The following ZBTB7C variants were observed in gnomAD, a reference collection of about 807,000 sequenced individuals.
ZBTB7C encodes the protein zinc finger and BTB domain-containing protein 7C.
Under a neutral mutation model 25.7 loss-of-function variants are expected in ZBTB7C, and 8 were observed. The observed-to-expected ratio is 0.31, with a 90% CI of 0.18 to 0.56. The LOEUF (loss-of-function observed/expected upper bound fraction) is 0.56, where lower values mean the gene tolerates loss of function less well. ZBTB7C is among the 20% of genes least tolerant of loss of function. The pLI, the probability that ZBTB7C is intolerant of heterozygous loss-of-function variation, is 0.91. For synonymous variants in ZBTB7C, 394 were observed against 369.0 expected (o/e 1.07, Z -0.78); for missense variants, 824 against 855.2 (o/e 0.96, Z 0.46).
chr18:48,124,322 A>ACT (rs1332898310), intron 3 of ZBTB7C, among the ~76,000 whole-genome samples: 3 of 152,368 alleles, frequency 2.0e-5, no homozygotes, highest in African/African-American at 7.2e-5. Context: ...AGTAGCAGGT[A>ACT]CCTTTCCTGG....
At chr18:48,149,450 A>C (rs1385107293) in intron 3 of ZBTB7C, 1 of 152,262 alleles carries the variant, frequency 6.6e-6, no homozygotes, top group African/African-American at 2.4e-5. Context: ...TGCCACTGCC[A>C]GGAGACAGTG....
At chr18:48,362,623 T>C (rs1308248563) in intron 1 of ZBTB7C, among the ~76,000 whole-genome samples, 1 of 152,220 alleles carries the variant, frequency 6.6e-6, no homozygotes. Context: ...TATGGCATTT[T>C]ATTATAGCAG....
chr18:48,101,864 G>T (rs761724996), intron 3 of ZBTB7C, among the ~76,000 whole-genome samples: 1 of 152,134 alleles, frequency 6.6e-6, no homozygotes, highest in African/African-American at 2.4e-5. Context: ...ACCAGACCAG[G>T]GTGGCTGGTT....
At chr18:48,384,699 T>C (rs1474131969) in intron 1 of ZBTB7C, among the ~76,000 whole-genome samples, 1 of 152,206 alleles carries the variant, frequency 6.6e-6, no homozygotes, top group African/African-American at 2.4e-5. Flanking sequence ...GTTTGTTTTT[T>C]GAGATTGAGT....
At chr18:48,326,095 CTTTT>C (rs34725749) in intron 2 of ZBTB7C, among the ~76,000 whole-genome samples, 1 of 126,170 alleles carries the variant, frequency 7.9e-6, no homozygotes. Context: ...CTACCAACAT[CTTTT>C]TTTTTTTTTT....
intron 2 of ZBTB7C, among the ~76,000 whole-genome samples, chr18:48,217,878 T>C (rs1222621337): frequency 1.3e-5 from 2 of 152,046 alleles, no homozygotes; most frequent in Admixed American, 6.5e-5. Context: ...GTAGTCCTTC[T>C]AGAATAGAGA....
intron 2 of ZBTB7C, among the ~76,000 whole-genome samples, chr18:48,336,571 C>T (rs139873453): frequency 1.2e-4 from 19 of 152,304 alleles, no homozygotes; most frequent in African/African-American, 1.7e-4. Flanking sequence ...TCTGCATTTC[C>T]GGCAGTGAGC....
chr18:48,189,600 T>C (rs1027890077), intron 2 of ZBTB7C, among the ~76,000 whole-genome samples: 6 of 152,144 alleles, frequency 3.9e-5, no homozygotes, highest in Non-Finnish European at 8.8e-5. Flanking sequence ...ACCTTCCAAG[T>C]TAGCAGTTGC....
At chr18:48,403,680 A>C (rs953169177) in intron 1 of ZBTB7C, among the ~76,000 whole-genome samples, 1 of 152,210 alleles carries the variant, frequency 6.6e-6, no homozygotes, top group African/African-American at 2.4e-5. Context: ...AAACAAAAGG[A>C]GAATCAAGAT....
chr18:48,312,861 TG>T (rs1568369345), intron 2 of ZBTB7C, among the ~76,000 whole-genome samples: 1 of 152,204 alleles, frequency 6.6e-6, no homozygotes, highest in African/African-American at 2.4e-5. Context: ...TCCTGGGCTG[TG>T]GTGAACAGGA....
chr18:48,230,405 G>T (rs577290552), intron 2 of ZBTB7C, among the ~76,000 whole-genome samples: 2 of 152,072 alleles, frequency 1.3e-5, no homozygotes, highest in Non-Finnish European at 2.9e-5. Flanking sequence ...GCTCTCAGAC[G>T]GAATCCCTGT....
rs151294907 is a variant in ZBTB7C at position 48,146,313 on chromosome 18, T to C, written c.-17+39621A>G. Among the ~76,000 whole-genome samples, 8 of 152,340 alleles carry C rather than the reference T, an allele frequency of 5.3e-5. No individual in the cohort carries two copies. The East Asian group carries it at 1.5e-3, about 29-fold the overall frequency. ...CAAAATTTTTTGTAATTTGCAACAT[T>C]AGACCTATGCTAAATTAAGCAATAG... On this transcript the variant is annotated intron_variant, in intron 3 of 4. Coordinates refer to ENST00000590800, the MANE Select transcript of ZBTB7C (RefSeq NM_001318841.2).
chr18:48,102,835 G>A (rs972473951), intron 3 of ZBTB7C, among the ~76,000 whole-genome samples: 1 of 151,796 alleles, frequency 6.6e-6, no homozygotes, highest in Admixed American at 6.6e-5. Flanking sequence ...TCATACAGGT[G>A]TAGTCAACAA....
chr18:48,093,975 C>T (rs1205728573), intron 3 of ZBTB7C, among the ~76,000 whole-genome samples: 2 of 152,148 alleles, frequency 1.3e-5, no homozygotes, highest in African/African-American at 2.4e-5. Context: ...AGAAGAATGG[C>T]GTGAACCCGG....
intron 4 of ZBTB7C, among the ~76,000 whole-genome samples, chr18:48,039,490 A>G (rs2036121278): frequency 1.3e-5 from 2 of 152,210 alleles, no homozygotes. Context: ...TATGCTTAAT[A>G]AAGGTCAGTG....
At chr18:48,135,687 C>T (rs2040129508) in intron 3 of ZBTB7C, among the ~76,000 whole-genome samples, 2 of 152,156 alleles carry the variant, frequency 1.3e-5, no homozygotes, top group South Asian at 4.1e-4. Context: ...AGAAGGGGAA[C>T]GGAGGGAGTG....
At chr18:48,263,692 TA>T (rs76126998) in intron 2 of ZBTB7C, among the ~76,000 whole-genome samples, 25,300 of 94,062 alleles carry the variant, frequency 0.27, 2,126 homozygotes, top group South Asian at 0.32. Flanking sequence ...ATAAAGCTGC[TA>T]AAAAAAAAAA....
At chr18:48,225,966 C>T (rs758010077) in intron 2 of ZBTB7C, among the ~76,000 whole-genome samples, 8 of 152,176 alleles carry the variant, frequency 5.3e-5, no homozygotes, top group African/African-American at 1.2e-4. Flanking sequence ...TGGTCTCGAT[C>T]GCTTGACCTC....
chr18:48,201,127 C>T (rs958706432), intron 2 of ZBTB7C, among the ~76,000 whole-genome samples: 3 of 152,214 alleles, frequency 2.0e-5, no homozygotes, highest in Non-Finnish European at 4.4e-5. Flanking sequence ...AGTACAAAGT[C>T]ATTTTTGTAA....
Sources: allele counts gnomAD v4.1 joint callset (sites outside exome capture counted in the v4.1 genomes callset), GRCh38; gene constraint gnomAD v4.1.1; transcripts MANE v1.5; gene names NCBI Gene and HGNC (gene_info 2026-07-23, HGNC 2026-07-21).